The following RYR2 variants were observed in gnomAD, a reference collection of about 807,000 sequenced individuals.
RYR2 encodes ryanodine receptor 2, also known as cardiac muscle ryanodine receptor-calcium release channel.
RYR2 carries 227 observed loss-of-function variants against 601.1 expected under a neutral mutation model. The ratio of observed to expected loss-of-function variants is 0.38; its 90% CI spans 0.34 to 0.42. The LOEUF is 0.42. RYR2 is among the 10% of genes least tolerant of loss of function. The pLI, the probability that RYR2 is intolerant of heterozygous loss-of-function variation, is 1.00. For missense variants in RYR2, 4,646 were observed against 6,156.5 expected, an observed-to-expected ratio of 0.75 and a Z score of 8.21; for synonymous variants, 2,223 against 2,175.1, an observed-to-expected ratio of 1.02 and a Z score of -0.61.
chr1:237,043,025 A>C (rs1020150144), intron 1 of RYR2, among the ~76,000 whole-genome samples: 1 of 151,810 alleles, frequency 6.6e-6, no homozygotes, highest in Non-Finnish European at 1.5e-5. Flanking sequence ...CGCCGCCGGG[A>C]GGTTTCTTGG....
intron 12 of RYR2, among the ~76,000 whole-genome samples, chr1:237,428,845 CAAAAT>C (rs371567132): frequency 5.4e-4 from 81 of 150,706 alleles, no homozygotes; most frequent in Admixed American, 2.3e-3. Flanking sequence ...ATTTATAAAA[CAAAAT>C]CTCCAGGAGC....
intron 37 of RYR2, among the ~76,000 whole-genome samples, chr1:237,616,336 C>T (rs1340380336): frequency 6.6e-6 from 1 of 152,124 alleles, no homozygotes; most frequent in East Asian, 1.9e-4. Context: ...CCAACATACT[C>T]ACTCAGTTAT....
chr1:237,061,237 C>G, intron 1 of RYR2, among the ~76,000 whole-genome samples: 1 of 146,370 alleles, frequency 6.8e-6, no homozygotes, highest in Non-Finnish European at 1.5e-5. Flanking sequence ...ATCTATCTAT[C>G]TATCTATCTA....
intron 1 of RYR2, among the ~76,000 whole-genome samples, chr1:237,265,618 G>A (rs572531363): frequency 1.3e-5 from 2 of 152,256 alleles, no homozygotes; most frequent in Non-Finnish European, 2.9e-5. Flanking sequence ...TACCGCGCCT[G>A]GCCTGCTCAA....
At chr1:237,237,926 C>CCCTTTCCCCTTTCCTTTCCCCTTT (rs1553357478) in intron 1 of RYR2, among the ~76,000 whole-genome samples, 2 of 56,450 alleles carry the variant, frequency 3.5e-5, no homozygotes, top group Admixed American at 2.5e-4. Flanking sequence ...TTTTCCCTTT[C>CCCTTTCCCCTTTCCTTTCCCCTTT]CCTTTCCCCT....
intron 1 of RYR2, among the ~76,000 whole-genome samples, chr1:237,095,336 A>G (rs918934089): frequency 6.6e-5 from 10 of 152,096 alleles, no homozygotes; most frequent in African/African-American, 9.7e-5. Flanking sequence ...ACACGCTTCA[A>G]TGGTAGAGGG....
chr1:237,775,693 G>T (rs1011921741), intron 87 of RYR2, among the ~76,000 whole-genome samples: 12 of 152,198 alleles, frequency 7.9e-5, no homozygotes, highest in African/African-American at 2.9e-4. Context: ...AGAGGACGTT[G>T]TATTGTCAAG....
chr1:237,569,163 G>T lies in RYR2; in HGVS notation c.3442G>T (p.Gly1148Cys), dbSNP rs1431547559. 2 of 1,613,760 alleles carry T rather than the reference G, an allele frequency of 1.2e-6. No homozygotes were observed. Among genetic ancestry groups the T allele is most frequent in the East Asian group, 4.5e-5 (2 of 44,848 alleles). ...DGFKAQRWHQ[G>C]NEHYGRSWQA... ...TGTATAGGCCCAGCGGTGGCATCAG[G>T]GCAATGAACACTATGGGCGCTCTTG... is the stretch of plus-strand genomic sequence containing the variant. The change falls in exon 29 of 105, where the codon GGC becomes TGC. Residue 1148 changes from glycine to cysteine, a missense_variant. Physicochemically the swap from Gly to Cys is radical, Grantham distance 159 (BLOSUM62 -3). Transcript: ENST00000366574.
Position 237,273,948 on chromosome 1 carries a change from T to A in RYR2, c.168+3332T>A, listed in dbSNP as rs184706573. Among the ~76,000 whole-genome samples, 1,326 of 137,338 alleles carry A rather than the reference T, an allele frequency of 9.7e-3. 22 individuals carry two copies. Among genetic ancestry groups the A allele is most frequent in the African/African-American group, 0.038 (1,222 of 31,768 alleles). 90.1% of individuals were successfully genotyped at this position (137,338 alleles called of 152,430 possible). ...ATAAAATATATATTATATATTTATA[T>A]TATATAACGCATATATTAAATATAT... is the stretch of plus-strand genomic sequence containing the variant. On this transcript the variant is annotated intron_variant, in intron 2 of 104. Coordinates refer to ENST00000366574, the MANE Select transcript of RYR2 (RefSeq NM_001035.3).
chr1:237,412,283 C>T (rs924944664), intron 10 of RYR2, among the ~76,000 whole-genome samples: 1 of 152,082 alleles, frequency 6.6e-6, no homozygotes, highest in African/African-American at 2.4e-5. Context: ...AGAATTTGTA[C>T]TTAGAATAAC....
intron 63 of RYR2, among the ~76,000 whole-genome samples, chr1:237,694,751 G>A (rs10925495): frequency 0.015 from 2,232 of 152,122 alleles, 31 homozygotes; most frequent in African/African-American, 0.043. Context: ...ATGTGTCCTC[G>A]GTTTGACTGA....
At chr1:237,715,316 C>CA (rs1040020111) in intron 71 of RYR2, among the ~76,000 whole-genome samples, 1 of 152,082 alleles carries the variant, frequency 6.6e-6, no homozygotes, top group Non-Finnish European at 1.5e-5. Flanking sequence ...AACAAATGAA[C>CA]AAAAAATACC....
At chr1:237,055,929 G>A (rs1372929694) in intron 1 of RYR2, among the ~76,000 whole-genome samples, 1 of 152,124 alleles carries the variant, frequency 6.6e-6, no homozygotes, top group Non-Finnish European at 1.5e-5. Flanking sequence ...ACACCTGTGA[G>A]GACTGGAGCA....
intron 29 of RYR2, among the ~76,000 whole-genome samples, chr1:237,575,698 A>G (rs1228225195): frequency 6.6e-6 from 1 of 152,250 alleles, no homozygotes; most frequent in Non-Finnish European, 1.5e-5. Flanking sequence ...TGAGAAATGT[A>G]ATTACAGAGC....
chr1:237,483,276 C>T (rs556390620), intron 17 of RYR2, among the ~76,000 whole-genome samples: 1 of 152,256 alleles, frequency 6.6e-6, no homozygotes, highest in South Asian at 2.1e-4. Context: ...CCCTGTTGAT[C>T]TTTGTTTCAT....
chr1:237,736,789 C>T (rs1024058440), intron 79 of RYR2, among the ~76,000 whole-genome samples: 6 of 152,154 alleles, frequency 3.9e-5, no homozygotes, highest in African/African-American at 9.7e-5. Flanking sequence ...CTGTTGTCTA[C>T]GAATTTGTAG....
chr1:237,306,561 CT>C (rs1372622253), intron 2 of RYR2, among the ~76,000 whole-genome samples: 2 of 152,136 alleles, frequency 1.3e-5, no homozygotes, highest in East Asian at 1.9e-4. Flanking sequence ...CTAGGCTGTA[CT>C]TTATATTATT....
intron 2 of RYR2, among the ~76,000 whole-genome samples, chr1:237,313,959 T>C (rs1572570105): frequency 2.5e-5 from 1 of 39,356 alleles, no homozygotes; most frequent in Admixed American, 1.9e-4. Flanking sequence ...TTTCAGGTGT[T>C]TTTTTTTTTT....
At chr1:237,606,963 C>T (rs911911446) in intron 35 of RYR2, among the ~76,000 whole-genome samples, 10 of 152,132 alleles carry the variant, frequency 6.6e-5, no homozygotes, top group South Asian at 4.1e-4. Flanking sequence ...GGAACACTTT[C>T]ACACTGTTGG....
Sources: gnomAD v4.1 joint callset for allele counts (sites outside exome capture counted in the v4.1 genomes callset) on GRCh38, gnomAD v4.1.1 for gene constraint, MANE v1.5 for transcripts, NCBI Gene and HGNC (gene_info 2026-07-23, HGNC 2026-07-21) for gene names.